The following FER1L6 variants were observed in gnomAD, a reference collection of about 807,000 sequenced individuals.
FER1L6 encodes the protein fer-1-like protein 6.
Under a neutral mutation model 219.2 loss-of-function variants are expected in FER1L6, and 177 were observed. The observed-to-expected ratio is 0.81, with a 90% CI of 0.71 to 0.91. The LOEUF is 0.91. FER1L6 is among the 40% of genes least tolerant of loss of function. The pLI, the probability that FER1L6 is intolerant of heterozygous loss-of-function variation, is 0.00. For synonymous variants in FER1L6, 768 were observed against 824.3 expected (o/e 0.93, Z 1.17); for missense variants, 2,153 against 2,259.9 (o/e 0.95, Z 0.96).
intron 20 of FER1L6, among the ~76,000 whole-genome samples, chr8:124,043,964 T>A (rs963164291): frequency 5.9e-5 from 9 of 152,242 alleles, no homozygotes; most frequent in African/African-American, 2.2e-4. Flanking sequence ...TGTGTTAGTG[T>A]CTAATACTGT....
intron 18 of FER1L6, among the ~76,000 whole-genome samples, chr8:124,024,892 G>A (rs1818635152): frequency 6.6e-6 from 1 of 152,000 alleles, no homozygotes; most frequent in South Asian, 2.1e-4. Flanking sequence ...TTTTAATAAT[G>A]GCCATTCTAG....
intron 16 of FER1L6, among the ~76,000 whole-genome samples, chr8:124,021,280 G>C (rs1319475529): frequency 1.3e-5 from 2 of 152,158 alleles, no homozygotes; most frequent in Non-Finnish European, 2.9e-5. Flanking sequence ...TTCAGGTGCT[G>C]GTTAATAAGC....
chr8:123,991,630 T>A (rs1816855871), intron 12 of FER1L6, among the ~76,000 whole-genome samples: 1 of 152,184 alleles, frequency 6.6e-6, no homozygotes, highest in Non-Finnish European at 1.5e-5. Context: ...CATCATATCA[T>A]TAGCAAACTG....
chr8:123,969,187 T>G (rs1281912472), intron 5 of FER1L6, among the ~76,000 whole-genome samples: 1 of 152,240 alleles, frequency 6.6e-6, no homozygotes, highest in African/African-American at 2.4e-5. Flanking sequence ...TTTTAAATTC[T>G]TTAGTCTTCA....
At chr8:124,067,636 A>T in intron 27 of FER1L6, 131 bp from the exon 28 acceptor site, 1 of 775,682 alleles carries the variant, frequency 1.3e-6, no homozygotes, top group Non-Finnish European at 2.1e-6. Context: ...ATTTTGGGGG[A>T]CTGCTTACAG....
Position 124,035,546 on chromosome 8 carries a change from C to T in FER1L6, c.2464+92C>T, listed in dbSNP as rs1304351825. On this transcript the variant is annotated intron_variant, in intron 19 of 40. Coordinates refer to ENST00000522917, the MANE Select transcript of FER1L6 (RefSeq NM_001039112.2). ...GAGGGCAGCATGCATGAGTTTTTTG[C>T]ACATTATTTTAGGGCCAACTTATTG... 6 of 1,322,606 alleles carry T rather than the reference C, an allele frequency of 4.5e-6. No individual in the cohort carries two copies. In the African/African-American group the frequency reaches 8.9e-5, roughly 20 times the overall value. The allele number at this position is 1,322,606 out of a possible 1,614,324, so 81.9% of individuals were successfully genotyped here.
intron 18 of FER1L6, among the ~76,000 whole-genome samples, chr8:124,026,258 C>G (rs1321446320): frequency 1.3e-5 from 2 of 152,190 alleles, no homozygotes; most frequent in East Asian, 3.8e-4. Context: ...CCACCAGCAA[C>G]TGACTAGAGT....
intron 32 of FER1L6, among the ~76,000 whole-genome samples, chr8:124,078,690 C>G (rs984024818): frequency 2.8e-5 from 1 of 36,114 alleles, no homozygotes; most frequent in Admixed American, 2.2e-4. Context: ...CTGTGAAGAC[C>G]CTGGGAAGGC....
intron 11 of FER1L6, among the ~76,000 whole-genome samples, chr8:123,981,255 C>T (rs1387066662): frequency 2.0e-5 from 3 of 152,126 alleles, no homozygotes; most frequent in African/African-American, 2.4e-5. Context: ...GAAACCTACT[C>T]CCCTACCCCA....
chr8:123,897,732 A>G (rs1279958806), intron 1 of FER1L6, among the ~76,000 whole-genome samples: 3 of 152,220 alleles, frequency 2.0e-5, no homozygotes, highest in Non-Finnish European at 4.4e-5. Context: ...CTATTTACTC[A>G]ATAAATATTG....
chr8:123,892,319 T>C (rs895574318), intron 1 of FER1L6, among the ~76,000 whole-genome samples: 2 of 151,446 alleles, frequency 1.3e-5, no homozygotes, highest in African/African-American at 2.4e-5. Flanking sequence ...TGAGATGGAG[T>C]CTCGCACTGT....
At chr8:124,080,536 T>C (rs969908051) in intron 32 of FER1L6, among the ~76,000 whole-genome samples, 9 of 152,154 alleles carry the variant, frequency 5.9e-5, no homozygotes, top group Non-Finnish European at 1.3e-4. Flanking sequence ...CAGGCTTGTC[T>C]CGAACTCCTG....
At chr8:123,910,986 G>C (rs1427397995) in intron 1 of FER1L6, among the ~76,000 whole-genome samples, 1 of 152,084 alleles carries the variant, frequency 6.6e-6, no homozygotes, top group Non-Finnish European at 1.5e-5. Flanking sequence ...TCTAGGGTGA[G>C]TCACTCATTA....
chr8:123,873,400 G>C (rs6989166), intron 1 of FER1L6, among the ~76,000 whole-genome samples: 83,776 of 152,116 alleles, frequency 0.55, 23,929 homozygotes, highest in African/African-American at 0.68. Context: ...CCTCCTTGCT[G>C]TAATGAAAAC....
intron 1 of FER1L6, among the ~76,000 whole-genome samples, chr8:123,863,676 C>G (rs1388245632): frequency 6.8e-6 from 1 of 146,598 alleles, no homozygotes; most frequent in Non-Finnish European, 1.5e-5. Flanking sequence ...GTATTGGGTG[C>G]ATATATATTT....
At chr8:124,092,717 G>A (rs1026925083) in intron 34 of FER1L6, among the ~76,000 whole-genome samples, 2 of 152,200 alleles carry the variant, frequency 1.3e-5, no homozygotes, top group African/African-American at 2.4e-5. Flanking sequence ...GGCTCTATAG[G>A]AAGCATGGTA....
intron 1 of FER1L6, among the ~76,000 whole-genome samples, chr8:123,930,602 G>A (rs757382688): frequency 6.6e-6 from 1 of 152,070 alleles, no homozygotes; most frequent in Non-Finnish European, 1.5e-5. Context: ...GCTCAGGGAG[G>A]GAGTGCCTGG....
At chr8:123,994,675 C>T (rs899001175) in intron 12 of FER1L6, among the ~76,000 whole-genome samples, 1 of 152,212 alleles carries the variant, frequency 6.6e-6, no homozygotes, top group African/African-American at 2.4e-5. Context: ...AGCTCTAGCA[C>T]TTGTGGCTGC....
intron 39 of FER1L6, among the ~76,000 whole-genome samples, chr8:124,114,895 G>GTGTATATATATA (rs368797867): frequency 1.1e-5 from 1 of 90,050 alleles, no homozygotes; most frequent in African/African-American, 3.9e-5. Flanking sequence ...GTGTGTGTGC[G>GTGTATATATATA]TATATATATA....
Sources: gnomAD v4.1 joint callset for allele counts (sites outside exome capture counted in the v4.1 genomes callset) on GRCh38, gnomAD v4.1.1 for gene constraint, MANE v1.5 for transcripts, NCBI Gene and HGNC (gene_info 2026-07-23, HGNC 2026-07-21) for gene names.